The following FAM24B variants were observed in gnomAD, a reference collection of about 807,000 sequenced individuals.
The protein encoded by FAM24B is protein FAM24B.
A neutral mutation model predicts 2.3 loss-of-function variants in FAM24B; 3 were observed. The observed-to-expected ratio is 1.29, with a 90% CI of 0.59 to 3.32. The LOEUF (loss-of-function observed/expected upper bound fraction) is 3.32, where lower values mean the gene tolerates loss of function less well. FAM24B is among the 30% of genes most tolerant of loss of function. The pLI, the probability that FAM24B is intolerant of heterozygous loss-of-function variation, is 0.03. For missense variants in FAM24B, 98 were observed against 117.2 expected, an observed-to-expected ratio of 0.84 and a Z score of 0.76; for synonymous variants, 36 against 46.3, an observed-to-expected ratio of 0.78 and a Z score of 0.90.
At chr10:122,862,497 G>C (rs1199277435) in intron 1 of FAM24B, among the ~76,000 whole-genome samples, 1 of 152,026 alleles carries the variant, frequency 6.6e-6, no homozygotes, top group Non-Finnish European at 1.5e-5. Flanking sequence ...TGGGATTGTG[G>C]AATTTTATTA....
At chr10:122,854,489 C>T (rs755234598) in intron 2 of FAM24B, among the ~76,000 whole-genome samples, 2 of 152,178 alleles carry the variant, frequency 1.3e-5, no homozygotes, top group Admixed American at 1.3e-4. Context: ...TGTGTTGTTC[C>T]CCATTCCCAG....
At chr10:122,875,777 C>T (rs528724615) in intron 1 of FAM24B, among the ~76,000 whole-genome samples, 1 of 151,956 alleles carries the variant, frequency 6.6e-6, no homozygotes, top group South Asian at 2.1e-4. Context: ...AACTGGTGAT[C>T]AACGGCTTGC....
chr10:122,869,499 C>T (rs1238272818), intron 1 of FAM24B, among the ~76,000 whole-genome samples: 1 of 152,152 alleles, frequency 6.6e-6, no homozygotes, highest in African/African-American at 2.4e-5. Flanking sequence ...AAGCACCACA[C>T]CACACCTATT....
chr10:122,877,864 T>TA, intron 1 of FAM24B, among the ~76,000 whole-genome samples: 1 of 152,348 alleles, frequency 6.6e-6, no homozygotes, highest in African/African-American at 2.4e-5. Context: ...TATACTGTGA[T>TA]AGAGTTCCCA....
Position 122,850,433 on chromosome 10 carries a change from T to C in FAM24B, c.83A>G (p.Asn28Ser). The change falls in exon 3 of 4, where the codon AAC becomes AGC. Residue 28 changes from asparagine (N) to serine (S), a missense_variant. Transcript: ENST00000368898. ...VVLCLYFKIH[N>S]ALKAAKEPEA... ...TGAACTTGTGACTCACTTTAGCGCG[T>C]TGTGTATTTTGAAGTAAAGACAGAG... 1 of 1,613,628 alleles carries C rather than the reference T, an allele frequency of 6.2e-7. No individual in the cohort carries two copies.
At chr10:122,861,760 G>A (rs571058631) in intron 1 of FAM24B, among the ~76,000 whole-genome samples, 1 of 152,260 alleles carries the variant, frequency 6.6e-6, no homozygotes, top group Admixed American at 6.5e-5. Flanking sequence ...GTACACATGA[G>A]CAGTGAATTT....
chr10:122,859,822 C>T (rs765853630), intron 1 of FAM24B, among the ~76,000 whole-genome samples: 2 of 152,098 alleles, frequency 1.3e-5, no homozygotes. Context: ...CTGGCCCTTC[C>T]GAGATGCCCC....
chr10:122,860,230 G>A (rs1847706627), intron 1 of FAM24B, among the ~76,000 whole-genome samples: 1 of 152,070 alleles, frequency 6.6e-6, no homozygotes, highest in African/African-American at 2.4e-5. Flanking sequence ...TGGCAACCAT[G>A]GATCAATTTT....
intron 1 of FAM24B, among the ~76,000 whole-genome samples, chr10:122,857,218 A>C (rs1280000919): frequency 1.3e-5 from 2 of 152,220 alleles, no homozygotes; most frequent in Admixed American, 1.3e-4. Context: ...TGATTAGCTC[A>C]AAGTCAGCTG....
chr10:122,863,941 T>C (rs1847763273), intron 1 of FAM24B, among the ~76,000 whole-genome samples: 1 of 152,198 alleles, frequency 6.6e-6, no homozygotes, highest in Non-Finnish European at 1.5e-5. Flanking sequence ...CCTTGAATTG[T>C]ACCAGTCCCT....
intron 1 of FAM24B, among the ~76,000 whole-genome samples, chr10:122,860,694 CT>C: frequency 6.6e-6 from 1 of 152,248 alleles, no homozygotes; most frequent in Admixed American, 6.5e-5. Context: ...TGTCAGAGGA[CT>C]TTTTTGTTTG....
At chr10:122,861,324 C>T (rs1477933090) in intron 1 of FAM24B, among the ~76,000 whole-genome samples, 1 of 152,154 alleles carries the variant, frequency 6.6e-6, no homozygotes, top group Non-Finnish European at 1.5e-5. Flanking sequence ...CTGGGCTCTC[C>T]ATTCTGTTCC....
At chr10:122,850,813 T>C in intron 2 of FAM24B, 1 of 332,110 alleles carries the variant, frequency 3.0e-6, no homozygotes, top group Non-Finnish European at 5.7e-6. Flanking sequence ...GGACAAACAG[T>C]GGGAAGAATC....
intron 1 of FAM24B, among the ~76,000 whole-genome samples, chr10:122,875,984 G>A (rs548718670): frequency 2.0e-5 from 3 of 152,334 alleles, no homozygotes; most frequent in African/African-American, 7.2e-5. Flanking sequence ...CACTGAGCAT[G>A]CAGACAGCCC....
At chr10:122,876,078 G>A (rs775871375) in intron 1 of FAM24B, among the ~76,000 whole-genome samples, 45 of 152,354 alleles carry the variant, frequency 3.0e-4, no homozygotes, top group Admixed American at 1.5e-3. Context: ...GTCCAACCAC[G>A]CACTTGATCT....
At chr10:122,869,061 T>C (rs1847849083) in intron 1 of FAM24B, among the ~76,000 whole-genome samples, 4 of 151,896 alleles carry the variant, frequency 2.6e-5, no homozygotes, top group East Asian at 1.9e-4. Flanking sequence ...GAGACACACA[T>C]AGGCTCAAAA....
intron 1 of FAM24B, among the ~76,000 whole-genome samples, chr10:122,874,972 T>C (rs1847955636): frequency 6.6e-6 from 1 of 152,204 alleles, no homozygotes; most frequent in African/African-American, 2.4e-5. Flanking sequence ...AGCTTCCTGC[T>C]CTAAGAACGG....
chr10:122,850,970 A>G (rs1438009154), intron 2 of FAM24B, among the ~76,000 whole-genome samples: 1 of 152,184 alleles, frequency 6.6e-6, no homozygotes, highest in East Asian at 1.9e-4. Flanking sequence ...TCAGGCTCAA[A>G]GCTCTTCTGT....
chr10:122,850,578 G>T (rs1847514609), intron 2 of FAM24B, 28 bp from the exon 3 acceptor site: 1 of 1,187,870 alleles, frequency 8.4e-7, no homozygotes, highest in African/African-American at 1.5e-5. Flanking sequence ...AGCAAGCACT[G>T]AGCCCACGTG....
Sources: gnomAD v4.1 joint callset for allele counts (sites outside exome capture counted in the v4.1 genomes callset) on GRCh38, gnomAD v4.1.1 for gene constraint, MANE v1.5 for transcripts, NCBI Gene and HGNC (gene_info 2026-07-23, HGNC 2026-07-21) for gene names.